Variants in GAS7 observed in about 807,000 individuals in gnomAD.
The protein encoded by GAS7 is growth arrest-specific protein 7.
Under a neutral mutation model 71.1 loss-of-function variants are expected in GAS7, and 28 were observed. That is an observed-to-expected ratio of 0.39 (90% CI 0.29 to 0.54). GAS7 has a LOEUF of 0.54. Among genes scored for constraint, GAS7 ranks in the 20% least tolerant of loss-of-function variants. The probability of loss-of-function intolerance (pLI) is 0.62; values close to 1 mark genes in which losing one functional copy is unlikely to be tolerated. For synonymous variants in GAS7, 258 were observed against 245.8 expected (o/e 1.05, Z -0.46); for missense variants, 436 against 627.8 (o/e 0.69, Z 3.27).
intron 1 of GAS7, among the ~76,000 whole-genome samples, chr17:10,022,527 C>G (rs1413864120): frequency 2.6e-5 from 4 of 152,316 alleles, no homozygotes; most frequent in Middle Eastern, 3.4e-3. Context: ...GCCTTCAGTG[C>G]CAATCCTGCC....
At chr17:9,973,914 T>C (rs2070076339) in intron 3 of GAS7, among the ~76,000 whole-genome samples, 1 of 152,200 alleles carries the variant, frequency 6.6e-6, no homozygotes, top group Non-Finnish European at 1.5e-5. Flanking sequence ...AATAAATCTC[T>C]ATCTTTGATA....
At chr17:10,167,311 A>T (rs1185985111) in intron 1 of GAS7, among the ~76,000 whole-genome samples, 1 of 151,790 alleles carries the variant, frequency 6.6e-6, no homozygotes, top group Non-Finnish European at 1.5e-5. Context: ...TCCGCCTCCC[A>T]GAGTGCTGGG....
chr17:10,181,025 T>G (rs2074409714), intron 1 of GAS7, among the ~76,000 whole-genome samples: 2 of 134,298 alleles, frequency 1.5e-5, no homozygotes, highest in African/African-American at 5.6e-5. Flanking sequence ...TGTTAAGGGG[T>G]CTAGAATAAG....
At chr17:10,065,967 C>A (rs1222043529) in intron 1 of GAS7, among the ~76,000 whole-genome samples, 1 of 151,982 alleles carries the variant, frequency 6.6e-6, no homozygotes, top group Non-Finnish European at 1.5e-5. Context: ...GGATTGGGAG[C>A]CCCAAAGGAG....
intron 1 of GAS7, among the ~76,000 whole-genome samples, chr17:10,039,175 T>C (rs367599034): frequency 6.6e-6 from 1 of 151,570 alleles, no homozygotes; most frequent in Non-Finnish European, 1.5e-5. Context: ...GAACTATACA[T>C]TTAAAACTGA....
intron 1 of GAS7, among the ~76,000 whole-genome samples, chr17:10,070,070 T>C (rs897545136): frequency 2.6e-5 from 4 of 152,130 alleles, no homozygotes; most frequent in Non-Finnish European, 5.9e-5. Context: ...TAAACCCATC[T>C]TGGCACAGCA....
At chr17:9,951,862 T>C (rs1171996343) in intron 5 of GAS7, among the ~76,000 whole-genome samples, 1 of 151,452 alleles carries the variant, frequency 6.6e-6, no homozygotes, top group African/African-American at 2.4e-5. Flanking sequence ...AAATGGGTCT[T>C]GGCCAGTCTT....
intron 2 of GAS7, among the ~76,000 whole-genome samples, chr17:9,991,052 C>A (rs2070823840): frequency 6.6e-6 from 1 of 152,188 alleles, no homozygotes; most frequent in Non-Finnish European, 1.5e-5. Context: ...GTACATACAG[C>A]TCTTAGCACA....
chr17:10,004,530 C>A (rs541332291), intron 2 of GAS7, among the ~76,000 whole-genome samples: 12 of 152,252 alleles, frequency 7.9e-5, no homozygotes, highest in African/African-American at 2.6e-4. Context: ...CCCAGAATGG[C>A]AGAGCTTCCT....
intron 1 of GAS7, among the ~76,000 whole-genome samples, chr17:10,173,510 T>C (rs1012826187): frequency 6.6e-6 from 1 of 151,350 alleles, no homozygotes; most frequent in African/African-American, 2.4e-5. Flanking sequence ...GGCTCACGCC[T>C]ATAATTCCAG....
chr17:9,935,944 G>T (rs1181069107), intron 8 of GAS7, among the ~76,000 whole-genome samples: 2 of 152,224 alleles, frequency 1.3e-5, no homozygotes, highest in African/African-American at 2.4e-5. Flanking sequence ...GGGGTGGCAG[G>T]AGTAGTCCTG....
chr17:10,070,987 C>T (rs1428837563), intron 1 of GAS7, among the ~76,000 whole-genome samples: 1 of 151,620 alleles, frequency 6.6e-6, no homozygotes, highest in Non-Finnish European at 1.5e-5. Flanking sequence ...TCTCTAGAAA[C>T]CAGGGACTCC....
At chr17:9,947,840 A>C (rs867033794) in intron 5 of GAS7, among the ~76,000 whole-genome samples, 2,466 of 151,890 alleles carry the variant, frequency 0.016, 81 homozygotes, top group African/African-American at 0.057. Context: ...AAACAAAAAA[A>C]AAAAAAAAGC....
At chr17:10,118,629 A>G (rs543754429) in intron 1 of GAS7, among the ~76,000 whole-genome samples, 40 of 140,318 alleles carry the variant, frequency 2.9e-4, no homozygotes, top group African/African-American at 1.0e-3. Context: ...ATTTGAACCC[A>G]GGAGGCGGAG....
intron 2 of GAS7, among the ~76,000 whole-genome samples, chr17:10,000,605 G>A (rs73977520): frequency 0.13 from 20,035 of 152,140 alleles, 1,732 homozygotes; most frequent in African/African-American, 0.24. Flanking sequence ...CAGATACTCA[G>A]GTCGTCATGA....
chr17:10,189,958 G>A (rs2074485294), intron 1 of GAS7, among the ~76,000 whole-genome samples: 1 of 151,428 alleles, frequency 6.6e-6, no homozygotes, highest in Non-Finnish European at 1.5e-5. Flanking sequence ...AAAAAAAGTT[G>A]AAAACAAATC....
chr17:10,028,072 TG>T (rs1325414465), intron 1 of GAS7, among the ~76,000 whole-genome samples: 4 of 152,198 alleles, frequency 2.6e-5, no homozygotes, highest in African/African-American at 9.6e-5. Flanking sequence ...TGTTTTGTTT[TG>T]TTCTGCTTTT....
intron 4 of GAS7, among the ~76,000 whole-genome samples, chr17:9,963,194 T>C (rs1321284721): frequency 6.6e-6 from 1 of 152,110 alleles, no homozygotes. Flanking sequence ...TGAATGAACC[T>C]TGGAATTCCA....
At chr17:10,005,148 T>TACCA (rs1567879878) in intron 2 of GAS7, among the ~76,000 whole-genome samples, 80 of 72,768 alleles carry the variant, frequency 1.1e-3, no homozygotes, top group African/African-American at 2.3e-3. Context: ...CGCGCACGCA[T>TACCA]GCATGCATGT....
Sources: allele counts gnomAD v4.1 joint callset (sites outside exome capture counted in the v4.1 genomes callset), GRCh38; gene constraint gnomAD v4.1.1; transcripts MANE v1.5; gene names NCBI Gene and HGNC (gene_info 2026-07-23, HGNC 2026-07-21).